Variants in CDH9 observed in about 807,000 individuals in gnomAD.
CDH9 encodes the protein cadherin 9, also known as cadherin-9.
In CDH9, 28 loss-of-function variants were observed where a neutral mutation model predicts 70.9. The ratio of observed to expected loss-of-function variants is 0.40; its 90% confidence interval spans 0.29 to 0.54. The LOEUF (loss-of-function observed/expected upper bound fraction) is 0.54, where lower values mean the gene tolerates loss of function less well. CDH9 is among the 20% of genes least tolerant of loss of function. The probability of loss-of-function intolerance (pLI) is 0.59; values close to 1 mark genes in which losing one functional copy is unlikely to be tolerated. For synonymous variants in CDH9, 409 were observed against 343.1 expected, an observed-to-expected ratio of 1.19 and a Z score of -2.12; for missense variants, 874 against 984.4, an observed-to-expected ratio of 0.89 and a Z score of 1.50.
chr5:26,886,887 ATC>A (rs1450880809), intron 9 of CDH9, among the ~76,000 whole-genome samples: 1 of 152,176 alleles, frequency 6.6e-6, no homozygotes, highest in Non-Finnish European at 1.5e-5. Context: ...GTTGCCTCCC[ATC>A]TGTGTGATTT....
At chr5:26,969,623 T>C (rs1287423021) in intron 2 of CDH9, among the ~76,000 whole-genome samples, 1 of 152,074 alleles carries the variant, frequency 6.6e-6, no homozygotes, top group Non-Finnish European at 1.5e-5. Flanking sequence ...CACTGGACTC[T>C]AAGATTCTTG....
intron 2 of CDH9, among the ~76,000 whole-genome samples, chr5:26,949,027 G>A (rs561306262): frequency 6.6e-6 from 1 of 152,138 alleles, no homozygotes; most frequent in East Asian, 1.9e-4. Context: ...TTTTGAAATT[G>A]TGTATACTTA....
At chr5:26,957,251 G>A (rs1741962800) in intron 2 of CDH9, among the ~76,000 whole-genome samples, 1 of 152,150 alleles carries the variant, frequency 6.6e-6, no homozygotes, top group East Asian at 1.9e-4. Flanking sequence ...AATCACATTT[G>A]TTGTAGGAGT....
At chr5:26,925,289 C>T (rs1017371821) in intron 2 of CDH9, among the ~76,000 whole-genome samples, 1 of 152,158 alleles carries the variant, frequency 6.6e-6, no homozygotes, top group African/African-American at 2.4e-5. Flanking sequence ...TTGCATTTCT[C>T]TGATGACCAG....
chr5:27,008,588 G>T (rs1445801801), intron 1 of CDH9, among the ~76,000 whole-genome samples: 1 of 151,878 alleles, frequency 6.6e-6, no homozygotes, highest in African/African-American at 2.4e-5. Flanking sequence ...TATTGATTAG[G>T]TCACAATATA....
At position 27,038,501 on chromosome 5, in the gene CDH9, A is replaced by G. The variant is rs1743432123; in HGVS notation, c.-88T>C. On this transcript the variant is annotated 5_prime_UTR_variant, in exon 1 of 12. Coordinates refer to ENST00000231021, the MANE Select transcript of CDH9 (RefSeq NM_016279.4). ...GGAACTGAGTTTAGCCCTACTCCGC[A>G]CTGACAGTTCCGTTGTTGCTTCTGT... The G allele has an allele frequency of 6.6e-6, 1 of 152,012 alleles. No individual in the cohort carries two copies. The highest frequency in any genetic ancestry group is 2.4e-5 in the African/African-American group (1 of 41,414). 9.4% of individuals were successfully genotyped at this position (152,012 alleles called of 1,614,324 possible).
chr5:27,017,198 T>C (rs1246057590), intron 1 of CDH9, among the ~76,000 whole-genome samples: 1 of 151,944 alleles, frequency 6.6e-6, no homozygotes, highest in Non-Finnish European at 1.5e-5. Context: ...ACTCTTCAGG[T>C]ACATTGAGAA....
intron 1 of CDH9, among the ~76,000 whole-genome samples, chr5:27,014,733 T>C (rs1743017288): frequency 6.6e-6 from 1 of 151,912 alleles, no homozygotes; most frequent in Admixed American, 6.6e-5. Context: ...CTATGTATAC[T>C]ACCAGTTCAT....
chr5:26,889,088 T>C (rs1740612483), intron 9 of CDH9, among the ~76,000 whole-genome samples: 1 of 152,156 alleles, frequency 6.6e-6, no homozygotes, highest in Non-Finnish European at 1.5e-5. Context: ...TGTATTTCAG[T>C]TTATTTTCTA....
At chr5:26,973,512 A>C (rs1433244698) in intron 2 of CDH9, among the ~76,000 whole-genome samples, 2 of 152,070 alleles carry the variant, frequency 1.3e-5, no homozygotes, top group African/African-American at 4.8e-5. Context: ...TGATGTTGTT[A>C]CTTGAAATTC....
chr5:26,940,099 G>T (rs758550437), intron 2 of CDH9, among the ~76,000 whole-genome samples: 49 of 151,030 alleles, frequency 3.2e-4, no homozygotes, highest in Admixed American at 1.3e-4. Flanking sequence ...GGAGGCAGAG[G>T]TTGCAGTGAG....
Position 26,906,801 on chromosome 5 carries a change from A to G in CDH9, c.561T>C (p.Asp187=). The G allele has an allele frequency of 1.2e-6, 2 of 1,613,260 alleles. No homozygotes were observed. Among genetic ancestry groups the G allele is most frequent in the South Asian group, 2.2e-5 (2 of 91,030 alleles). ...SVIQVTATDA[D]DANYGNSAKV... is the part of the protein sequence containing the mutation. ...TGGCACTATTTCCATAGTTGGCGTC[A>G]TCTGCATCTGTTGCAGTTACTTGTA... The change falls in exon 4 of 12, where the codon GAT becomes GAC. Residue 187 remains aspartate (D), a synonymous_variant. Coordinates refer to ENST00000231021, the MANE Select transcript of CDH9 (RefSeq NM_016279.4).
At chr5:26,934,791 A>T (rs981160378) in intron 2 of CDH9, among the ~76,000 whole-genome samples, 1 of 152,160 alleles carries the variant, frequency 6.6e-6, no homozygotes, top group Non-Finnish European at 1.5e-5. Flanking sequence ...ACCAGCCCAG[A>T]TGGCTGCAAT....
At chr5:27,024,681 T>A (rs1743192596) in intron 1 of CDH9, among the ~76,000 whole-genome samples, 1 of 152,146 alleles carries the variant, frequency 6.6e-6, no homozygotes, top group Admixed American at 6.6e-5. Flanking sequence ...CCAAGAATTC[T>A]AATTATCTAC....
At chr5:26,933,053 A>G (rs1014237372) in intron 2 of CDH9, among the ~76,000 whole-genome samples, 3 of 147,478 alleles carry the variant, frequency 2.0e-5, no homozygotes, top group African/African-American at 7.3e-5. Context: ...TTACTTAAAT[A>G]TAAATATAAT....
chr5:27,025,230 A>G (rs1258434255), intron 1 of CDH9, among the ~76,000 whole-genome samples: 1 of 152,104 alleles, frequency 6.6e-6, no homozygotes, highest in African/African-American at 2.4e-5. Context: ...TAGACCTATC[A>G]ATGTATTTTG....
intron 2 of CDH9, among the ~76,000 whole-genome samples, chr5:26,931,239 T>C (rs1741457354): frequency 6.6e-6 from 1 of 152,134 alleles, no homozygotes; most frequent in African/African-American, 2.4e-5. Flanking sequence ...CTGGAAATCC[T>C]GCTGCGAGGA....
intron 2 of CDH9, among the ~76,000 whole-genome samples, chr5:26,970,117 A>G (rs1247007883): frequency 1.3e-5 from 2 of 151,208 alleles, no homozygotes; most frequent in East Asian, 1.9e-4. Flanking sequence ...TAAATGGTGT[A>G]ATTAAGTTAA....
intron 2 of CDH9, among the ~76,000 whole-genome samples, chr5:26,942,379 T>A (rs960694529): frequency 6.6e-6 from 1 of 152,038 alleles, no homozygotes; most frequent in Admixed American, 6.6e-5. Context: ...CCAAACTATA[T>A]CAACCTCTTA....
Sources: gnomAD v4.1 joint callset for allele counts (sites outside exome capture counted in the v4.1 genomes callset) on GRCh38, gnomAD v4.1.1 for gene constraint, MANE v1.5 for transcripts, NCBI Gene and HGNC (gene_info 2026-07-23, HGNC 2026-07-21) for gene names.